The following FER variants were observed in gnomAD, a reference collection of about 807,000 sequenced individuals.
FER encodes FER tyrosine kinase.
A neutral mutation model predicts 111.0 loss-of-function variants in FER; 63 were observed. That is an observed-to-expected ratio of 0.57 (90% CI 0.46 to 0.70). FER has a LOEUF of 0.70. Among genes scored for constraint, FER ranks in the 30% least tolerant of loss-of-function variants. FER has a pLI of 0.00. For synonymous variants in FER, 327 were observed against 313.9 expected (o/e 1.04, Z -0.44); for missense variants, 914 against 954.0 (o/e 0.96, Z 0.55).
At chr5:109,152,480 T>C (rs1315972014) in intron 17 of FER, among the ~76,000 whole-genome samples, 1 of 151,982 alleles carries the variant, frequency 6.6e-6, no homozygotes, top group African/African-American at 2.4e-5. Context: ...TTAGGCTGTA[T>C]AGAAATCATT....
At chr5:109,050,903 A>G (rs1286742324) in intron 16 of FER, among the ~76,000 whole-genome samples, 1 of 152,164 alleles carries the variant, frequency 6.6e-6, no homozygotes, top group Admixed American at 6.5e-5. Context: ...TTCAGGAAGT[A>G]TTTATTCCTG....
At chr5:108,852,379 T>A (rs1190727676) in intron 5 of FER, among the ~76,000 whole-genome samples, 2 of 152,204 alleles carry the variant, frequency 1.3e-5, no homozygotes, top group Admixed American at 6.5e-5. Context: ...TATGTTTAAA[T>A]AAGTCCACAT....
intron 2 of FER, among the ~76,000 whole-genome samples, chr5:108,781,911 G>A (rs1006344072): frequency 1.3e-5 from 2 of 148,504 alleles, no homozygotes; most frequent in Non-Finnish European, 1.5e-5. Flanking sequence ...TCTGTCAGAA[G>A]TAATAGGGTT....
intron 5 of FER, among the ~76,000 whole-genome samples, chr5:108,854,632 A>G (rs1762825457): frequency 6.6e-6 from 1 of 152,164 alleles, no homozygotes; most frequent in African/African-American, 2.4e-5. Flanking sequence ...ATGAAAATCT[A>G]CCATATATTG....
At chr5:109,050,774 C>T (rs1172850586) in intron 16 of FER, among the ~76,000 whole-genome samples, 2 of 152,180 alleles carry the variant, frequency 1.3e-5, no homozygotes, top group African/African-American at 4.8e-5. Flanking sequence ...AGTCCATTGA[C>T]ACCTGGAGGG....
chr5:109,109,196 C>T (rs1009051262), intron 17 of FER, among the ~76,000 whole-genome samples: 5 of 152,118 alleles, frequency 3.3e-5, no homozygotes, highest in African/African-American at 1.2e-4. Flanking sequence ...TAGACCTCCC[C>T]TCCTCCCCAC....
intron 3 of FER, among the ~76,000 whole-genome samples, chr5:108,832,342 A>G (rs569317314): frequency 3.3e-5 from 5 of 152,334 alleles, no homozygotes; most frequent in African/African-American, 1.2e-4. Context: ...AGTCAGCAGG[A>G]TCAGATGCCA....
chr5:109,154,218 G>C (rs1196146347), intron 17 of FER, among the ~76,000 whole-genome samples: 3 of 151,912 alleles, frequency 2.0e-5, no homozygotes, highest in African/African-American at 7.2e-5. Context: ...GTCATGGATA[G>C]CTATAACAGT....
At chr5:108,831,801 C>T (rs1375791075) in intron 3 of FER, among the ~76,000 whole-genome samples, 3 of 152,156 alleles carry the variant, frequency 2.0e-5, no homozygotes, top group Admixed American at 6.5e-5. Context: ...GAAAATAATT[C>T]TGTTCATTCA....
intron 13 of FER, among the ~76,000 whole-genome samples, chr5:108,978,228 C>T (rs1023249618): frequency 1.3e-5 from 2 of 152,144 alleles, no homozygotes; most frequent in Non-Finnish European, 2.9e-5. Flanking sequence ...TCTTTAAATG[C>T]TTAAAATACC....
chr5:108,849,463 G>GTTGTTGTTGTTTTGTT (rs1464855871), intron 5 of FER, among the ~76,000 whole-genome samples: 2 of 150,166 alleles, frequency 1.3e-5, no homozygotes, highest in African/African-American at 4.9e-5. Flanking sequence ...TTTTGTTGTT[G>GTTGTTGTTGTTTTGTT]TTGTTGTTGT....
intron 1 of FER, among the ~76,000 whole-genome samples, chr5:108,767,164 C>T (rs931503748): frequency 2.0e-5 from 3 of 151,986 alleles, no homozygotes; most frequent in South Asian, 2.1e-4. Context: ...ATCAGCTGGG[C>T]GTGGTGGTGC....
intron 17 of FER, among the ~76,000 whole-genome samples, chr5:109,123,157 G>GTTT (rs747514879): frequency 0.22 from 27,711 of 123,976 alleles, 3,722 homozygotes; most frequent in Non-Finnish European, 0.26. Context: ...TTCCTGTCTT[G>GTTT]TTTTTTTTTT....
chr5:109,018,577 T>C (rs1455725189), intron 13 of FER, among the ~76,000 whole-genome samples: 2 of 151,828 alleles, frequency 1.3e-5, no homozygotes, highest in Admixed American at 6.6e-5. Flanking sequence ...AATTACTTTA[T>C]CAGTCTGAGC....
intron 3 of FER, among the ~76,000 whole-genome samples, chr5:108,799,552 A>G (rs1468068215): frequency 6.6e-6 from 1 of 152,204 alleles, no homozygotes; most frequent in Non-Finnish European, 1.5e-5. Context: ...AGATGGCCAC[A>G]AAAAATACAG....
At chr5:108,999,923 ACTGT>A (rs976817649) in intron 13 of FER, among the ~76,000 whole-genome samples, 1 of 152,020 alleles carries the variant, frequency 6.6e-6, no homozygotes, top group African/African-American at 2.4e-5. Flanking sequence ...CTTTACTATA[ACTGT>A]CTAATTTCAC....
intron 10 of FER, among the ~76,000 whole-genome samples, chr5:108,938,361 T>G (rs1755804535): frequency 6.6e-6 from 1 of 152,004 alleles, no homozygotes; most frequent in Admixed American, 6.6e-5. Flanking sequence ...AAAAAAGTTG[T>G]TTTAGACATA....
chr5:109,057,980 C>G (rs568637959), intron 16 of FER, among the ~76,000 whole-genome samples: 2 of 152,186 alleles, frequency 1.3e-5, no homozygotes, highest in South Asian at 4.1e-4. Flanking sequence ...ATTCTAAGCA[C>G]AATTTTAACA....
intron 2 of FER, chr5:108,785,702 C>G: frequency 3.1e-6 from 1 of 327,120 alleles, no homozygotes; most frequent in Non-Finnish European, 6.0e-6. Flanking sequence ...CTGGTGGTGT[C>G]TGGCTTCCTT....
Sources: allele counts gnomAD v4.1 joint callset (sites outside exome capture counted in the v4.1 genomes callset), GRCh38; gene constraint gnomAD v4.1.1; transcripts MANE v1.5; gene names NCBI Gene and HGNC (gene_info 2026-07-23, HGNC 2026-07-21).